DPH6: variants seen among roughly 807,000 people sequenced by gnomAD.
DPH6 encodes diphthamine biosynthesis 6, also known as diphthine--ammonia ligase.
A neutral mutation model predicts 38.2 loss-of-function variants in DPH6; 33 were observed. The observed-to-expected ratio is 0.86, with a 90% CI of 0.65 to 1.15. The LOEUF is 1.15. Among genes scored for constraint, DPH6 ranks in the 50% most tolerant of loss-of-function variants. DPH6 has a pLI of 0.00. For missense variants in DPH6, 325 were observed against 320.0 expected (o/e 1.02, Z -0.12); for synonymous variants, 108 against 103.0 (o/e 1.05, Z -0.30).
chr15:35,340,908 A>T (rs148997024), intron 3 of DPH6, among the ~76,000 whole-genome samples: 3,843 of 152,126 alleles, frequency 0.025, 152 homozygotes, highest in African/African-American at 0.089. Flanking sequence ...CATTTCCTGA[A>T]TTTGAATGTT....
chr15:35,270,537 A>AT (rs1265612608), intron 3 of DPH6, among the ~76,000 whole-genome samples: 7 of 152,050 alleles, frequency 4.6e-5, no homozygotes, highest in African/African-American at 1.7e-4. Context: ...AGTTACAGTG[A>AT]TTTTTCCGTA....
At chr15:35,180,485 G>A in the DPH6 span, among the ~76,000 whole-genome samples, 3 of 151,080 alleles carry the variant, frequency 2.0e-5, no homozygotes, top group South Asian at 2.1e-4. Flanking sequence ...ATTAAAAGAT[G>A]TATTTGCCTA....
At chr15:35,420,802 C>T (rs578031882) in intron 5 of DPH6, among the ~76,000 whole-genome samples, 1 of 152,280 alleles carries the variant, frequency 6.6e-6, no homozygotes, top group East Asian at 1.9e-4. Context: ...GCGTGAGCCA[C>T]TGTGCCTGGC....
chr15:35,337,815 T>C (rs1236494966), intron 3 of DPH6, among the ~76,000 whole-genome samples: 1 of 152,086 alleles, frequency 6.6e-6, no homozygotes, highest in Non-Finnish European at 1.5e-5. Context: ...AACAGCATGC[T>C]ACTGGTACCA....
chr15:35,453,390 G>T (rs1161088424), intron 4 of DPH6, among the ~76,000 whole-genome samples: 1 of 151,954 alleles, frequency 6.6e-6, no homozygotes, highest in Non-Finnish European at 1.5e-5. Flanking sequence ...CTCCAGTTTG[G>T]CTACCCATTA....
Position 35,427,688 on chromosome 15 carries a change from A to G in DPH6, c.506-16792T>C, listed in dbSNP as rs574022505. Among the ~76,000 whole-genome samples, 12 of 152,036 alleles carry G rather than the reference A, an allele frequency of 7.9e-5. No individual in the cohort carries two copies. In the South Asian group the frequency reaches 2.3e-3, roughly 29 times the overall value. ...AAATGTCAATAAAATACTAGATAGAAGTAAACCAGTAAATGTAATTTATTT... is the reference window on the plus strand; with the variant it reads ...AAATGTCAATAAAATACTAGATAGAGGTAAACCAGTAAATGTAATTTATTT... On this transcript the variant is annotated intron_variant, in intron 5 of 8. Transcript: ENST00000256538.
intron 3 of DPH6, among the ~76,000 whole-genome samples, chr15:35,364,288 A>G (rs114253386): frequency 6.6e-6 from 1 of 152,176 alleles, no homozygotes; most frequent in Non-Finnish European, 1.5e-5. Flanking sequence ...CCTACACTCT[A>G]CAATTAGCAC....
intron 3 of DPH6, among the ~76,000 whole-genome samples, chr15:35,465,964 T>C (rs1595388638): frequency 2.0e-5 from 3 of 152,218 alleles, no homozygotes; most frequent in Admixed American, 1.3e-4. Flanking sequence ...AAATTCAACC[T>C]ACATGTGAAA....
Position 35,239,385 on chromosome 15 carries a change from G to A in DPH6, n.201-18803C>T, listed in dbSNP as rs911572338. On this transcript the variant is annotated intron_variant and non_coding_transcript_variant, in intron 3 of 3. Coordinates refer to the DPH6 transcript ENST00000560386. ...TCTGTGGACCCCAAACTCCGGCGCC[G>A]GTCACGGACTGGGAAGGCAGCCTTC... Among the ~76,000 whole-genome samples the A allele has an allele frequency of 5.6e-5, 8 of 143,844 alleles. 1 individual carries two copies. Among genetic ancestry groups the A allele is most frequent in the Admixed American group, 1.5e-4 (2 of 13,358 alleles). 94.4% of individuals were successfully genotyped at this position (143,844 alleles called of 152,430 possible).
rs1491101707 is a variant in DPH6 at position 35,436,509 on chromosome 15, C to CA, written c.505+14175dup. 4.6e-4 allele frequency among the ~76,000 whole-genome samples: 49 copies of CA among 107,580 alleles called. 3 individuals carry two copies. The highest frequency in any genetic ancestry group is 2.3e-3 in the East Asian group (8 of 3,516). The allele number at this position is 107,580 out of a possible 152,430, so 70.6% of individuals were successfully genotyped here. A position where few individuals can be genotyped will look rare whatever the true frequency, so the allele number is the denominator to read the frequency against. Reference sequence around the variant, plus strand: ...CAAAACAAAACAAAACAAAACAAAACAAAACAAAAAAGGTTCTCTCCCTGT... The same window carrying CA: ...CAAAACAAAACAAAACAAAACAAAACAAAAACAAAAAAGGTTCTCTCCCTGT... On this transcript the variant is annotated intron_variant, in intron 5 of 8. Coordinates refer to ENST00000256538, the MANE Select transcript of DPH6 (RefSeq NM_080650.4).
intron 3 of DPH6, among the ~76,000 whole-genome samples, chr15:35,362,866 A>C (rs1020167356): frequency 6.6e-6 from 1 of 152,142 alleles, no homozygotes; most frequent in Non-Finnish European, 1.5e-5. Context: ...AGTTCTCATA[A>C]AGGCTCTTTG....
At chr15:35,453,281 T>G (rs1027330241) in intron 4 of DPH6, among the ~76,000 whole-genome samples, 1 of 152,190 alleles carries the variant, frequency 6.6e-6, no homozygotes, top group Non-Finnish European at 1.5e-5. Context: ...TGTGCCCTTC[T>G]TCCATATATA....
At chr15:35,378,241 T>A (rs2052808009) in intron 7 of DPH6, among the ~76,000 whole-genome samples, 1 of 152,158 alleles carries the variant, frequency 6.6e-6, no homozygotes, top group South Asian at 2.1e-4. Flanking sequence ...CATCATCACC[T>A]GTCATTAGAG....
At chr15:35,151,781 A>G in the DPH6 span, among the ~76,000 whole-genome samples, 5 of 152,230 alleles carry the variant, frequency 3.3e-5, no homozygotes, top group Non-Finnish European at 7.3e-5. Flanking sequence ...ATGAATACAA[A>G]TTATTATAAA....
chr15:35,269,790 C>CT (rs1198000526), intron 3 of DPH6, among the ~76,000 whole-genome samples: 11,497 of 108,540 alleles, frequency 0.11, 845 homozygotes, highest in East Asian at 0.33. Context: ...GGGTGTGTTT[C>CT]TTTTTTTTTT....
chr15:35,185,023 T>C, the DPH6 span, among the ~76,000 whole-genome samples: 1 of 152,058 alleles, frequency 6.6e-6, no homozygotes, highest in Non-Finnish European at 1.5e-5. Context: ...AAGAATAGAC[T>C]TGAATTGAAA....
intron 3 of DPH6, among the ~76,000 whole-genome samples, chr15:35,319,578 TA>T (rs1354616682): frequency 2.0e-5 from 3 of 151,946 alleles, no homozygotes; most frequent in African/African-American, 7.3e-5. Flanking sequence ...CCGTCTCCAC[TA>T]AAAATACAAA....
chr15:35,538,210 CG>C, intron 3 of DPH6, 63 bp downstream of exon 3: 1 of 1,295,160 alleles, frequency 7.7e-7, no homozygotes, highest in Admixed American at 2.6e-5. Flanking sequence ...CTAAATAATT[CG>C]GCAAATGTAA....
At chr15:35,256,680 C>G (rs2051710386) in intron 3 of DPH6, among the ~76,000 whole-genome samples, 1 of 152,112 alleles carries the variant, frequency 6.6e-6, no homozygotes, top group African/African-American at 2.4e-5. Flanking sequence ...TTAGCCATGT[C>G]TGGGCATGTC....
Sources: gnomAD v4.1 joint callset for allele counts (sites outside exome capture counted in the v4.1 genomes callset) on GRCh38, gnomAD v4.1.1 for gene constraint, MANE v1.5 for transcripts, NCBI Gene and HGNC (gene_info 2026-07-23, HGNC 2026-07-21) for gene names.